The following BNC2 variants were observed in gnomAD, a reference collection of about 807,000 sequenced individuals.
BNC2 encodes the protein basonuclin zinc finger protein 2.
A neutral mutation model predicts 76.3 loss-of-function variants in BNC2; 20 were observed. The observed-to-expected ratio is 0.26, with a 90% CI of 0.18 to 0.38. BNC2 has a LOEUF of 0.38. BNC2 is among the 10% of genes least tolerant of loss of function. The pLI, the probability that BNC2 is intolerant of heterozygous loss-of-function variation, is 1.00. For synonymous variants in BNC2, 582 were observed against 514.8 expected (o/e 1.13, Z -1.77); for missense variants, 1,382 against 1,399.8 (o/e 0.99, Z 0.20).
At chr9:16,430,272 A>G (rs1486626437) in intron 6 of BNC2, among the ~76,000 whole-genome samples, 1 of 152,184 alleles carries the variant, frequency 6.6e-6, no homozygotes, top group African/African-American at 2.4e-5. Context: ...AATTTTAGAA[A>G]TGGAGACTTG....
chr9:16,778,912 T>A (rs1826042189), intron 1 of BNC2, among the ~76,000 whole-genome samples: 1 of 152,086 alleles, frequency 6.6e-6, no homozygotes, highest in Admixed American at 6.5e-5. Context: ...TTCTGACCCC[T>A]AACATAAAAC....
At chr9:16,631,347 C>T (rs1467008392) in intron 3 of BNC2, among the ~76,000 whole-genome samples, 6 of 152,134 alleles carry the variant, frequency 3.9e-5, no homozygotes, top group African/African-American at 7.2e-5. Context: ...ATACCCCCAC[C>T]GAATCACCAT....
chr9:16,711,152 G>A (rs1446771648), intron 3 of BNC2, among the ~76,000 whole-genome samples: 1 of 152,128 alleles, frequency 6.6e-6, no homozygotes, highest in Non-Finnish European at 1.5e-5. Flanking sequence ...GTGGCAAGGG[G>A]AAGAAAGAAA....
intron 3 of BNC2, among the ~76,000 whole-genome samples, chr9:16,610,896 A>C (rs1321687498): frequency 6.6e-6 from 1 of 152,170 alleles, no homozygotes; most frequent in Non-Finnish European, 1.5e-5. Flanking sequence ...AGTAGCTGTC[A>C]CTTAGGCTGC....
At chr9:16,681,818 T>C (rs1291880733) in intron 3 of BNC2, among the ~76,000 whole-genome samples, 1 of 152,190 alleles carries the variant, frequency 6.6e-6, no homozygotes, top group Non-Finnish European at 1.5e-5. Flanking sequence ...CCTGGTACTT[T>C]GGGCAGGAAT....
chr9:16,712,099 T>C (rs1272305773), intron 3 of BNC2, among the ~76,000 whole-genome samples: 3 of 152,228 alleles, frequency 2.0e-5, no homozygotes, highest in African/African-American at 7.2e-5. Flanking sequence ...GTTACCTGTG[T>C]ACAAAAAATT....
In BNC2 at chr9:16,419,334, A is replaced by G; in HGVS notation, c.2955T>C (p.Asp985=). The change falls in exon 7 of 7, where the codon GAT becomes GAC. Residue 985 remains aspartate, a synonymous_variant. Transcript: ENST00000380672. ...HSSRESDAGS[D]EGILLDDIDG... is the part of the protein sequence containing the mutation. The stretch of plus-strand genomic sequence containing the variant: ...CAATGTCATCGAGAAGAATCCCCTC[A>G]TCGCTGCCTGCGTCGGATTCTCTGG... 6.2e-7 allele frequency: 1 copy of G among 1,612,260 alleles called. No homozygotes were observed. The highest frequency in any genetic ancestry group is 1.3e-5 in the African/African-American group (1 of 74,940).
At chr9:16,513,299 CTTTTTTTTTTTTTT>C (rs1202222924) in intron 5 of BNC2, among the ~76,000 whole-genome samples, 4 of 85,560 alleles carry the variant, frequency 4.7e-5, no homozygotes, top group Non-Finnish European at 6.7e-5. Flanking sequence ...AGAAAAGGTT[CTTTTTTTTTTTTTT>C]TTTTTTTTTT....
intron 4 of BNC2, among the ~76,000 whole-genome samples, chr9:16,556,193 T>G (rs28602416): frequency 0.2 from 29,691 of 151,588 alleles, 5,228 homozygotes; most frequent in African/African-American, 0.47. Flanking sequence ...GGGAGGCTGA[T>G]GGGGGAGGAC....
intron 5 of BNC2, among the ~76,000 whole-genome samples, chr9:16,460,110 C>A (rs929339082): frequency 3.3e-5 from 5 of 151,918 alleles, no homozygotes; most frequent in Admixed American, 6.6e-5. Context: ...TATCAAAGTA[C>A]CAACTTTAAG....
In BNC2 at chr9:16,723,667, C is replaced by A. The variant is rs183778916; in HGVS notation, c.330+4130G>T. The stretch of plus-strand genomic sequence containing the variant: ...TATACATTTCTTATATTTTATTTAT[C>A]ATTTCTCTGAAAGGTGCTAGATTTT... On this transcript the variant is annotated intron_variant, in intron 3 of 6. Coordinates refer to ENST00000380672, the MANE Select transcript of BNC2 (RefSeq NM_017637.6). Among the ~76,000 whole-genome samples the A allele has an allele frequency of 5.7e-3, 870 of 152,086 alleles. 3 individuals carry two copies. The highest frequency in any genetic ancestry group is 9.1e-3 in the Non-Finnish European group (617 of 67,928).
chr9:16,764,029 G>C (rs1825623743), intron 1 of BNC2, among the ~76,000 whole-genome samples: 1 of 152,172 alleles, frequency 6.6e-6, no homozygotes, highest in Non-Finnish European at 1.5e-5. Context: ...TACCAAGTAT[G>C]TGACGAGAAT....
intron 1 of BNC2, among the ~76,000 whole-genome samples, chr9:16,767,054 T>C (rs1825714481): frequency 1.3e-5 from 2 of 152,242 alleles, no homozygotes; most frequent in Non-Finnish European, 2.9e-5. Flanking sequence ...TTACATGGCA[T>C]AGTCTACCTA....
At chr9:16,711,056 TGAATTAGTGCTACGTGACAC>T (rs1257481911) in intron 3 of BNC2, among the ~76,000 whole-genome samples, 2 of 151,942 alleles carry the variant, frequency 1.3e-5, no homozygotes, top group Non-Finnish European at 2.9e-5. Flanking sequence ...TGAGAGCAGA[TGAATTAGTGCTACGTGACAC>T]GATTTGAGCA....
chr9:16,631,799 C>A (rs7033512), intron 3 of BNC2, among the ~76,000 whole-genome samples: 51,290 of 151,942 alleles, frequency 0.34, 8,905 homozygotes, highest in Non-Finnish European at 0.36. Context: ...TCCAGAGAAA[C>A]AGAAGAAGGC....
intron 1 of BNC2, among the ~76,000 whole-genome samples, chr9:16,812,258 G>A (rs1818072585): frequency 6.6e-6 from 1 of 152,310 alleles, no homozygotes; most frequent in Non-Finnish European, 1.5e-5. Context: ...TGGTGCTTGC[G>A]CTGGGGCTTC....
At chr9:16,670,341 G>T (rs1186799848) in intron 3 of BNC2, among the ~76,000 whole-genome samples, 3 of 152,000 alleles carry the variant, frequency 2.0e-5, no homozygotes, top group Non-Finnish European at 4.4e-5. Flanking sequence ...TTAGAGACAA[G>T]GTCTCACTCT....
intron 1 of BNC2, among the ~76,000 whole-genome samples, chr9:16,804,786 G>A (rs1269803637): frequency 2.6e-5 from 4 of 152,138 alleles, no homozygotes; most frequent in Non-Finnish European, 4.4e-5. Flanking sequence ...TGGAGAGGCC[G>A]GGTGCAGTGG....
chr9:16,582,442 T>C (rs1819651774), intron 4 of BNC2, among the ~76,000 whole-genome samples: 2 of 152,030 alleles, frequency 1.3e-5, no homozygotes, highest in Admixed American at 1.3e-4. Context: ...CCAATCCCCA[T>C]GCACACTGAA....
Sources: gnomAD v4.1 joint callset for allele counts (sites outside exome capture counted in the v4.1 genomes callset) on GRCh38, gnomAD v4.1.1 for gene constraint, MANE v1.5 for transcripts, NCBI Gene and HGNC (gene_info 2026-07-23, HGNC 2026-07-21) for gene names.